The following NDEL1 variants were observed in gnomAD, a reference collection of about 807,000 sequenced individuals.
NDEL1 encodes the protein nudE neurodevelopment protein 1 like 1.
In NDEL1, 9 loss-of-function variants were observed where a neutral mutation model predicts 45.7. That is an observed-to-expected ratio of 0.20 (90% CI 0.12 to 0.34). The LOEUF is 0.34. Among genes scored for constraint, NDEL1 ranks in the 10% least tolerant of loss-of-function variants. NDEL1 has a pLI of 1.00. For synonymous variants in NDEL1, 133 were observed against 158.6 expected (o/e 0.84, Z 1.21); for missense variants, 306 against 406.2 (o/e 0.75, Z 2.12).
rs1429249654 is a variant in NDEL1 at position 8,474,164 on chromosome 17, A to C, written c.417+14004A>C. 3.3e-5 allele frequency: 5 copies of C among 152,790 alleles called. No homozygotes were observed. The East Asian group carries it at 9.6e-4, about 29-fold the overall frequency. The allele number at this position is 152,790 out of a possible 1,614,324, so 9.5% of individuals were successfully genotyped here. On this transcript the variant is annotated intron_variant, in intron 3 of 3. Transcript: ENST00000581679. ...TGTGTAGCACCCACCCTCCAGTCAG[A>C]TCACAGATGGGAAATCGAGAACAGA...
At chr17:8,462,963 G>A (rs1911314236) in intron 8 of NDEL1, 1 of 196,908 alleles carries the variant, frequency 5.1e-6, no homozygotes, top group African/African-American at 2.3e-5. Context: ...GGTCACTTGA[G>A]GGCTTCTTGG....
intron 5 of NDEL1, 117 bp from the exon 6 acceptor site, chr17:8,450,663 A>C (rs1910433475): frequency 1.1e-6 from 1 of 919,614 alleles, no homozygotes. Context: ...TAGGAAATTC[A>C]TTTTTGAGAA....
chr17:8,418,980 C>T (rs972723376), intron 1 of NDEL1, among the ~76,000 whole-genome samples: 9 of 151,950 alleles, frequency 5.9e-5, no homozygotes, highest in Admixed American at 2.6e-4. Context: ...TCCCAAGTAG[C>T]TGAGACTATA....
intron 4 of NDEL1, among the ~76,000 whole-genome samples, chr17:8,447,351 C>T (rs1910149066): frequency 6.6e-6 from 1 of 152,220 alleles, no homozygotes; most frequent in Non-Finnish European, 1.5e-5. Flanking sequence ...CCATGTTGGC[C>T]AGGCTGGTCT....
chr17:8,432,353 A>ATATATTAT (rs1567722399), upstream of NDEL1, among the ~76,000 whole-genome samples: 43 of 5,802 alleles, frequency 7.4e-3, 1 homozygote, highest in Non-Finnish European at 0.028. Flanking sequence ...TATAAATATA[A>ATATATTAT]ATATAAATAT....
chr17:8,424,474 C>T (rs1908777857), intron 1 of NDEL1, among the ~76,000 whole-genome samples: 1 of 152,150 alleles, frequency 6.6e-6, no homozygotes. Context: ...AAAGGTTGCA[C>T]CTTTGTTTTT....
intron 1 of NDEL1, among the ~76,000 whole-genome samples, chr17:8,416,688 G>A (rs113769325): frequency 0.015 from 2,227 of 151,974 alleles, 55 homozygotes; most frequent in African/African-American, 0.05. Context: ...TTTCAATCTG[G>A]GTGCTCATGT....
intron 1 of NDEL1, among the ~76,000 whole-genome samples, chr17:8,443,064 C>G (rs981589493): frequency 6.6e-6 from 1 of 152,224 alleles, no homozygotes; most frequent in Non-Finnish European, 1.5e-5. Context: ...CAGGCATGAG[C>G]CACCACACCT....
chr17:8,465,020 C>G lies in NDEL1; in HGVS notation c.945-1910C>G, dbSNP rs1911481874. The G allele has an allele frequency of 6.6e-6, 1 of 152,328 alleles. No individual in the cohort carries two copies. Among genetic ancestry groups the G allele is most frequent in the Non-Finnish European group, 1.5e-5 (1 of 68,124 alleles). 9.4% of individuals were successfully genotyped at this position (152,328 alleles called of 1,614,324 possible). On this transcript the variant is annotated intron_variant, in intron 8 of 8. Transcript: ENST00000334527. The surrounding 1 kb of genome is among the most constrained non-coding windows in gnomAD (Gnocchi z 4.9). ...CTTGGCATCCAATGGTGCTCCCTTT[C>G]TGCTGGGTTCCGGGCACTGTCTGCA...
chr17:8,472,789 G>A (rs1403738530), downstream of NDEL1, among the ~76,000 whole-genome samples: 1 of 152,214 alleles, frequency 6.6e-6, no homozygotes, highest in Admixed American at 6.5e-5. Flanking sequence ...AGGGCAGAGC[G>A]CTTATGGCCC....
chr17:8,444,000 G>A (rs1485750542), intron 1 of NDEL1: 5 of 295,094 alleles, frequency 1.7e-5, no homozygotes, highest in African/African-American at 2.2e-5. Flanking sequence ...GTCACCCAGC[G>A]CCTATGCTGC....
intron 1 of NDEL1, among the ~76,000 whole-genome samples, chr17:8,415,427 CATTT>C (rs111333617): frequency 6.8e-6 from 1 of 148,032 alleles, no homozygotes; most frequent in African/African-American, 2.5e-5. Context: ...ATAGTTTTAA[CATTT>C]ATTTATTTAT....
In NDEL1 at chr17:8,454,352, A is replaced by G. The variant is rs538612510; in HGVS notation, c.701-444A>G. ...AAATGACTAGTTACTATGGAAATAGAAACTAAAAAACGTGACTATCAAATT... is the reference window on the plus strand; with the variant it reads ...AAATGACTAGTTACTATGGAAATAGGAACTAAAAAACGTGACTATCAAATT... On this transcript the variant is annotated intron_variant, in intron 6 of 8. Coordinates refer to ENST00000334527, the MANE Select transcript of NDEL1 (RefSeq NM_030808.5). Among the ~76,000 whole-genome samples the G allele has an allele frequency of 5.1e-4, 78 of 152,282 alleles. 1 individual carries two copies. In the South Asian group the frequency reaches 0.016, roughly 31 times the overall value.
chr17:8,461,025 C>T (rs946090269), intron 8 of NDEL1: 1 of 152,236 alleles, frequency 6.6e-6, no homozygotes, highest in East Asian at 1.9e-4. Flanking sequence ...GGGATGCTCA[C>T]GGTGTTGCCT....
At chr17:8,416,820 C>A (rs756962014) in intron 1 of NDEL1, among the ~76,000 whole-genome samples, 1 of 152,136 alleles carries the variant, frequency 6.6e-6, no homozygotes, top group Non-Finnish European at 1.5e-5. Flanking sequence ...GGTTTATCCT[C>A]TCATTTTCTT....
intron 6 of NDEL1, among the ~76,000 whole-genome samples, chr17:8,452,975 G>A (rs375365982): frequency 2.6e-5 from 4 of 152,002 alleles, no homozygotes; most frequent in African/African-American, 4.8e-5. Flanking sequence ...CTGACCTCAG[G>A]TGATCCACCC....
chr17:8,463,408 TGG>T (rs1555562611), intron 8 of NDEL1: 1 of 1,556,188 alleles, frequency 6.4e-7, no homozygotes, highest in Non-Finnish European at 8.9e-7. Context: ...TCCTGGTGTG[TGG>T]TGGAAGACAC....
At chr17:8,441,703 T>A (rs540970552) in intron 1 of NDEL1, among the ~76,000 whole-genome samples, 1 of 152,200 alleles carries the variant, frequency 6.6e-6, no homozygotes, top group Admixed American at 6.5e-5. Context: ...CTATCTGTTC[T>A]ATGGGATTCC....
chr17:8,450,361 A>G (rs887113916), intron 5 of NDEL1, among the ~76,000 whole-genome samples: 9 of 152,312 alleles, frequency 5.9e-5, no homozygotes, highest in Admixed American at 4.6e-4. Context: ...TTCTTTTCTA[A>G]AAGTAAATAT....
Sources: gnomAD v4.1 joint callset for allele counts (sites outside exome capture counted in the v4.1 genomes callset) on GRCh38, gnomAD v4.1.1 for gene constraint, Gnocchi (gnomAD v3.1) non-coding constraint, MANE v1.5 for transcripts, NCBI Gene and HGNC (gene_info 2026-07-23, HGNC 2026-07-21) for gene names.